Variants in UTP14A observed in about 807,000 individuals in gnomAD.
UTP14A encodes UTP14A small subunit processome component, also known as U3 small nucleolar RNA-associated protein 14 homolog A.
Under a neutral mutation model 57.2 loss-of-function variants are expected in UTP14A, and 5 were observed. The observed-to-expected ratio is 0.09, with a 90% confidence interval of 0.05 to 0.18. UTP14A has a LOEUF of 0.18. UTP14A is among the 10% of genes least tolerant of loss of function. UTP14A has a pLI of 1.00. For synonymous variants in UTP14A, 169 were observed against 210.9 expected (o/e 0.80, Z 1.72); for missense variants, 430 against 562.1 (o/e 0.76, Z 2.38).
intron 8 of UTP14A, among the ~76,000 whole-genome samples, chrX:129,919,815 T>C (rs761945314): frequency 9.0e-6 from 1 of 111,637 alleles, no homozygotes; most frequent in East Asian, 2.8e-4. Flanking sequence ...GTGTGGTGGC[T>C]ATGCTTGTAA....
Position 129,911,839 on chromosome X carries a change from G to A in UTP14A, c.455G>A (p.Arg152Gln), listed in dbSNP as rs1050104679. 56 of 1,209,320 alleles carry A rather than the reference G, an allele frequency of 4.6e-5. No homozygotes were observed. Among genetic ancestry groups the A allele is most frequent in the Non-Finnish European group, 5.9e-5 (53 of 895,084 alleles). ...SKWDPVVLKN[R>Q]QAEQLVFPLE... ...TGGGACCCTGTCGTCCTGAAGAACC[G>A]GCAGGCAGAGCAGCTGGTTTTTCCC... is the stretch of plus-strand genomic sequence containing the variant. Residue 152 changes from arginine (R) to glutamine (Q), a missense_variant, in exon 6 of 15, where the codon CGG (arginine) becomes CAG (glutamine). By Grantham distance (43) the Arg-to-Gln change is conservative. Transcript: ENST00000394422.
chrX:129,920,452 T>A lies in UTP14A; in HGVS notation c.753-5T>A, dbSNP rs1414709924. ...TTGCTAAACTCTTCCCTCCTACCCC[T>A]ACAGGTATCACAAAGTCGTGAAGAA... On this transcript the variant is annotated splice_region_variant and splice_polypyrimidine_tract_variant and intron_variant, in intron 8 of 14. Transcript: ENST00000394422. The A allele has an allele frequency of 1.7e-6, 2 of 1,211,710 alleles. No homozygotes were observed. Among genetic ancestry groups the A allele is most frequent in the African/African-American group, 3.5e-5 (2 of 57,758 alleles).
intron 14 of UTP14A, among the ~76,000 whole-genome samples, chrX:129,927,999 C>T (rs1044992067): frequency 4.4e-4 from 49 of 111,042 alleles, no homozygotes; most frequent in Admixed American, 4.8e-4. Context: ...CACTTCCCCC[C>T]TCTAAGCCAA....
intron 14 of UTP14A, among the ~76,000 whole-genome samples, chrX:129,927,169 CTGTT>C (rs753622449): frequency 2.0e-4 from 22 of 110,640 alleles, no homozygotes; most frequent in Admixed American, 1.4e-3. Flanking sequence ...TTCCAGGGGT[CTGTT>C]TGTTTTTTTA....
intron 11 of UTP14A, among the ~76,000 whole-genome samples, chrX:129,923,550 C>A (rs1409865472): frequency 1.8e-5 from 2 of 111,744 alleles, no homozygotes; most frequent in East Asian, 5.6e-4. Context: ...GCTGGGATTA[C>A]AGGTGTGAGC....
Position 129,911,446 on chromosome X carries a change from G to A in UTP14A, c.381+296G>A, listed in dbSNP as rs1204053312. ...AAAAATACAAAATTAGCCGGGTGTGGTGTAATCCCAGCTACTTGGGAGGCT... is the reference window on the plus strand; with the variant it reads ...AAAAATACAAAATTAGCCGGGTGTGATGTAATCCCAGCTACTTGGGAGGCT... On this transcript the variant is annotated intron_variant, in intron 5 of 14. Coordinates refer to ENST00000394422, the MANE Select transcript of UTP14A (RefSeq NM_006649.4). Among the ~76,000 whole-genome samples the A allele has an allele frequency of 3.6e-5, 4 of 110,677 alleles. No homozygotes were observed. In the Admixed American group the frequency reaches 3.9e-4, roughly 11 times the overall value.
Position 129,911,075 on chromosome X carries a change from T to C in UTP14A, c.306T>C (p.Thr102=). 9.1e-6 allele frequency: 11 copies of C among 1,211,597 alleles called. No homozygotes were observed. The highest frequency in any genetic ancestry group is 1.2e-5 in the Non-Finnish European group (11 of 895,474). The change falls in exon 5 of 15, where the codon ACT becomes ACC. Residue 102 remains threonine (T), a synonymous_variant. Coordinates refer to ENST00000394422, the MANE Select transcript of UTP14A (RefSeq NM_006649.4). ...EPVKTSSSLA[T]VKKQLSRVKS... ...TTAAAACTTCATCTTCTTTGGCCACTGTGAAAAAGCAACTGAGTAGAGTCA... is the reference window on the plus strand; with the variant it reads ...TTAAAACTTCATCTTCTTTGGCCACCGTGAAAAAGCAACTGAGTAGAGTCA...
At chrX:129,921,850 A>G (rs1929928964) in intron 11 of UTP14A, 3 of 326,332 alleles carry the variant, frequency 9.2e-6, no homozygotes, top group East Asian at 1.0e-4. Context: ...GCCTTCAGAA[A>G]CCCATAATAA....
chrX:129,906,490 G>A (rs1010207558), intron 1 of UTP14A, among the ~76,000 whole-genome samples: 1 of 111,775 alleles, frequency 8.9e-6, no homozygotes, highest in African/African-American at 3.3e-5. Flanking sequence ...CTCATTTACT[G>A]TGTTTCACAT....
intron 6 of UTP14A, among the ~76,000 whole-genome samples, chrX:129,915,394 G>A (rs1929645573): frequency 9.3e-6 from 1 of 107,810 alleles, no homozygotes; most frequent in African/African-American, 3.4e-5. Flanking sequence ...GCACGGTGGC[G>A]GGCGCCTATA....
chrX:129,911,779 T>C lies in UTP14A; in HGVS notation c.395T>C (p.Val132Ala), dbSNP rs767928833. 1 of 1,208,769 alleles carries C rather than the reference T, an allele frequency of 8.3e-7. No homozygotes were observed. Among genetic ancestry groups the C allele is most frequent in the Non-Finnish European group, 1.1e-6 (1 of 894,865 alleles). Residue 132 changes from valine to alanine, a missense_variant, in exon 6 of 15, where the codon GTA becomes GCA. Coordinates refer to ENST00000394422, the MANE Select transcript of UTP14A (RefSeq NM_006649.4). ...TGCCTGCTTCAGATCCACAGAGAAG[T>C]AGCATTCAATAAAACCGCACAAGTC... ...KEEIERIHREVAFNKTAQVLS... is the reference protein window; with the variant it reads ...KEEIERIHREAAFNKTAQVLS...
chrX:129,924,999 G>C lies in UTP14A; in HGVS notation c.1553G>C (p.Gly518Ala), dbSNP rs780882471. The C allele has an allele frequency of 2.5e-6, 3 of 1,211,392 alleles. No homozygotes were observed. The highest frequency in any genetic ancestry group is 2.2e-6 in the Non-Finnish European group (2 of 895,480). ...VQTLEELEEL[G>A]KEECFQNKEL... ...ACGCTGGAAGAGCTAGAAGAGCTGGGAAAAGAAGAATGTTTTCAAAATAAG... is the reference window on the plus strand; with the variant it reads ...ACGCTGGAAGAGCTAGAAGAGCTGGCAAAAGAAGAATGTTTTCAAAATAAG... Residue 518 changes from glycine to alanine, a missense_variant, in exon 12 of 15, where the codon GGA becomes GCA. Physicochemically the swap from Gly to Ala is moderately conservative, Grantham distance 60. Coordinates refer to ENST00000394422, the MANE Select transcript of UTP14A (RefSeq NM_006649.4).
intron 6 of UTP14A, 120 bp from the exon 7 acceptor site, chrX:129,919,055 C>T (rs185172326): frequency 4.6e-4 from 486 of 1,062,157 alleles, no homozygotes; most frequent in Non-Finnish European, 5.9e-4. Flanking sequence ...CTGTAACAGC[C>T]AATCCTATCC....
intron 2 of UTP14A, 37 bp from the exon 3 acceptor site, chrX:129,908,023 C>G (rs765769680): frequency 9.1e-7 from 1 of 1,101,077 alleles, no homozygotes; most frequent in South Asian, 1.9e-5. Context: ...TTTTCCCTCC[C>G]CCTCATCCTG....
chrX:129,917,835 A>AT (rs1472182900), intron 6 of UTP14A, among the ~76,000 whole-genome samples: 1 of 110,049 alleles, frequency 9.1e-6, no homozygotes, highest in African/African-American at 3.3e-5. Flanking sequence ...CCCATCCTAT[A>AT]TTTTTTTTCA....
At chrX:129,917,343 C>T (rs1447800756) in intron 6 of UTP14A, among the ~76,000 whole-genome samples, 3 of 111,671 alleles carry the variant, frequency 2.7e-5, no homozygotes, top group East Asian at 2.8e-4. Flanking sequence ...TGATGATGTG[C>T]GTTTATGCAT....
In UTP14A at chrX:129,926,371, C is replaced by T. The variant is rs375552192; in HGVS notation, c.2043+32C>T. ...GCTTAGAGAGCTCTTTAGCTGCCTG[C>T]TTGTTACTGCCTGGCTCTCTTGCTT... On this transcript the variant is annotated intron_variant, in intron 14 of 14. Coordinates refer to ENST00000394422, the MANE Select transcript of UTP14A (RefSeq NM_006649.4). The T allele has an allele frequency of 5.3e-6, 6 of 1,136,919 alleles. No individual in the cohort carries two copies. In the African/African-American group the frequency reaches 1.1e-4, roughly 20 times the overall value. The allele number at this position is 1,136,919 out of a possible 1,213,427, so 93.7% of individuals were successfully genotyped here.
chrX:129,916,966 G>T lies in UTP14A; in HGVS notation c.538-2209G>T, dbSNP rs368634279. Among the ~76,000 whole-genome samples the T allele has an allele frequency of 3.9e-4, 43 of 111,314 alleles. 1 individual carries two copies. In the South Asian group the frequency reaches 0.016, roughly 42 times the overall value. ...AATATTTAATGGTAATTTCCTCTGT[G>T]ATTACCCCTATAGAATAACGTAGCA... On this transcript the variant is annotated intron_variant, in intron 6 of 14. Coordinates refer to ENST00000394422, the MANE Select transcript of UTP14A (RefSeq NM_006649.4).
chrX:129,914,356 C>T (rs909731350), intron 6 of UTP14A, among the ~76,000 whole-genome samples: 1 of 111,209 alleles, frequency 9.0e-6, no homozygotes, highest in Non-Finnish European at 1.9e-5. Flanking sequence ...GCAGGTGGAT[C>T]ACCTGAGGTC....
Sources: gnomAD v4.1 joint callset for allele counts (sites outside exome capture counted in the v4.1 genomes callset) on GRCh38, gnomAD v4.1.1 for gene constraint, MANE v1.5 for transcripts, NCBI Gene and HGNC (gene_info 2026-07-23, HGNC 2026-07-21) for gene names.